CTNNA3: variants seen among roughly 807,000 people sequenced by gnomAD.
CTNNA3 encodes catenin alpha-3.
Under a neutral mutation model 95.7 loss-of-function variants are expected in CTNNA3, and 76 were observed. The ratio of observed to expected loss-of-function variants is 0.79; its 90% confidence interval spans 0.66 to 0.96. The LOEUF (loss-of-function observed/expected upper bound fraction) is 0.96, where lower values mean the gene tolerates loss of function less well. Ranked by LOEUF, CTNNA3 falls within the 40% of genes least tolerant of loss-of-function variation. The probability of loss-of-function intolerance (pLI) is 0.00; values close to 1 mark genes in which losing one functional copy is unlikely to be tolerated. For synonymous variants in CTNNA3, 431 were observed against 374.4 expected (o/e 1.15, Z -1.74); for missense variants, 1,191 against 1,089.8 (o/e 1.09, Z -1.31).
intron 9 of CTNNA3, among the ~76,000 whole-genome samples, chr10:66,716,200 A>G (rs1234623303): frequency 3.3e-5 from 5 of 152,126 alleles, no homozygotes; most frequent in Admixed American, 6.6e-5. Context: ...TCGTGTACAA[A>G]TGTTATGCTA....
chr10:67,501,848 C>A lies in CTNNA3; in HGVS notation c.579+19994G>T, dbSNP rs549621488. 2.0e-5 allele frequency among the ~76,000 whole-genome samples: 3 copies of A among 152,058 alleles called. No homozygotes were observed. In the South Asian group the frequency reaches 6.2e-4, roughly 32 times the overall value. On this transcript the variant is annotated intron_variant, in intron 5 of 17. Transcript: ENST00000433211. ...TATGTTCTCCTCTAAACTGGTTATT[C>A]TAGTTAGCAATTCCTCTAACCTTTT...
intron 11 of CTNNA3, among the ~76,000 whole-genome samples, chr10:66,392,948 G>T (rs914124483): frequency 1.3e-5 from 2 of 151,932 alleles, no homozygotes; most frequent in Admixed American, 6.6e-5. Flanking sequence ...CTGCACATGT[G>T]TCTTAATAGC....
intron 4 of CTNNA3, among the ~76,000 whole-genome samples, chr10:67,538,282 C>A (rs1022608084): frequency 6.7e-6 from 1 of 148,930 alleles, no homozygotes; most frequent in Non-Finnish European, 1.5e-5. Flanking sequence ...ATAGTGAATA[C>A]AAGAAAGATG....
rs535271977 is a variant in CTNNA3 at position 66,486,840 on chromosome 10, C to CACAA, written c.1531+33776_1531+33777insTTGT. Among the ~76,000 whole-genome samples the CACAA allele has an allele frequency of 1.8e-3, 271 of 151,872 alleles. 7 individuals are homozygous for CACAA. The highest frequency in any genetic ancestry group is 0.013 in the East Asian group (65 of 5,150). On this transcript the variant is annotated intron_variant, in intron 11 of 17. Transcript: ENST00000433211. ...AAATACACACACACACACACACACACACACACAAAATGAAATATCAGTCAG... is the reference window on the plus strand; with the variant it reads ...AAATACACACACACACACACACACACACAAACACACAAAATGAAATATCAGTCAG...
At chr10:66,177,131 C>G (rs1203765179) in intron 13 of CTNNA3, among the ~76,000 whole-genome samples, 1 of 152,012 alleles carries the variant, frequency 6.6e-6, no homozygotes, top group Admixed American at 6.6e-5. Context: ...TGCTGAAAAC[C>G]TGAATGTTTT....
intron 10 of CTNNA3, among the ~76,000 whole-genome samples, chr10:66,604,653 C>T (rs1252903156): frequency 6.6e-6 from 1 of 152,058 alleles, no homozygotes; most frequent in Non-Finnish European, 1.5e-5. Flanking sequence ...ATACTACTCC[C>T]CCAGAGTTAC....
intron 12 of CTNNA3, among the ~76,000 whole-genome samples, chr10:66,304,300 T>G (rs377112031): frequency 6.6e-6 from 1 of 152,132 alleles, no homozygotes; most frequent in South Asian, 2.1e-4. Context: ...CTCGCTGAAG[T>G]AGAAAATCAG....
chr10:66,401,135 C>A, intron 11 of CTNNA3, among the ~76,000 whole-genome samples: 1 of 152,086 alleles, frequency 6.6e-6, no homozygotes, highest in East Asian at 1.9e-4. Flanking sequence ...GTTCTATAAA[C>A]TTAGATATAG....
chr10:66,379,120 A>C (rs145193580), intron 12 of CTNNA3, 32 bp downstream of exon 12: 1 of 1,530,318 alleles, frequency 6.5e-7, no homozygotes, highest in Non-Finnish European at 9.1e-7. Flanking sequence ...AAATAAGAGA[A>C]ATTGTGCAGC....
At chr10:65,937,583 C>T (rs957966278) in intron 17 of CTNNA3, among the ~76,000 whole-genome samples, 3 of 152,084 alleles carry the variant, frequency 2.0e-5, no homozygotes, top group South Asian at 2.1e-4. Context: ...ACACCATTCT[C>T]CTCTTTCAAG....
At chr10:65,991,345 C>A (rs1180917230) in intron 15 of CTNNA3, among the ~76,000 whole-genome samples, 1 of 151,924 alleles carries the variant, frequency 6.6e-6, no homozygotes, top group Non-Finnish European at 1.5e-5. Flanking sequence ...ATGTAGATTT[C>A]TTTTGGTAGT....
At chr10:66,844,715 TCATTA>T (rs948730640) in intron 7 of CTNNA3, among the ~76,000 whole-genome samples, 9 of 152,248 alleles carry the variant, frequency 5.9e-5, no homozygotes, top group Admixed American at 1.3e-4. Context: ...CTGTTTCTTT[TCATTA>T]CATTACATGA....
intron 7 of CTNNA3, among the ~76,000 whole-genome samples, chr10:67,064,890 C>T (rs987228842): frequency 1.3e-5 from 2 of 152,122 alleles, no homozygotes; most frequent in African/African-American, 4.8e-5. Context: ...TACCTTTAAG[C>T]TAGTTCTGAG....
At chr10:67,001,466 T>A (rs1250944327) in intron 7 of CTNNA3, among the ~76,000 whole-genome samples, 1 of 149,488 alleles carries the variant, frequency 6.7e-6, no homozygotes, top group Non-Finnish European at 1.5e-5. Flanking sequence ...GACAGAAGGA[T>A]GGGGAAATGG....
intron 1 of CTNNA3, among the ~76,000 whole-genome samples, chr10:67,752,462 T>C (rs1297823333): frequency 1.3e-5 from 2 of 152,064 alleles, no homozygotes; most frequent in African/African-American, 2.4e-5. Flanking sequence ...TTCAACATAG[T>C]ATGGAAGTTC....
At chr10:66,923,648 G>A (rs1308779377) in intron 7 of CTNNA3, among the ~76,000 whole-genome samples, 1 of 152,202 alleles carries the variant, frequency 6.6e-6, no homozygotes, top group Non-Finnish European at 1.5e-5. Context: ...TAACTATGAA[G>A]ACAAGATATC....
At chr10:66,715,844 A>G (rs1378667339) in intron 9 of CTNNA3, among the ~76,000 whole-genome samples, 1 of 152,086 alleles carries the variant, frequency 6.6e-6, no homozygotes, top group African/African-American at 2.4e-5. Context: ...AGGATTTAAA[A>G]TAAAATGAAA....
intron 7 of CTNNA3, among the ~76,000 whole-genome samples, chr10:66,972,421 G>C (rs1450624613): frequency 1.3e-5 from 2 of 152,116 alleles, no homozygotes; most frequent in Non-Finnish European, 2.9e-5. Context: ...CTCCTGAGTA[G>C]CTGGACCTAA....
At chr10:67,457,416 C>G (rs1274217201) in intron 5 of CTNNA3, among the ~76,000 whole-genome samples, 1 of 152,138 alleles carries the variant, frequency 6.6e-6, no homozygotes, top group Non-Finnish European at 1.5e-5. Context: ...GGAAATAAAT[C>G]TGAATTTGAA....
Sources: allele counts gnomAD v4.1 joint callset (sites outside exome capture counted in the v4.1 genomes callset), GRCh38; gene constraint gnomAD v4.1.1; transcripts MANE v1.5; gene names NCBI Gene and HGNC (gene_info 2026-07-23, HGNC 2026-07-21).